Variants in CRISPLD2 observed in about 807,000 individuals in gnomAD.
CRISPLD2 encodes cysteine rich secretory protein LCCL domain containing 2, also known as cysteine-rich secretory protein LCCL domain-containing 2.
In CRISPLD2, 47 loss-of-function variants were observed where a neutral mutation model predicts 71.1. The ratio of observed to expected loss-of-function variants is 0.66; its 90% confidence interval spans 0.52 to 0.84. CRISPLD2 has a LOEUF of 0.84. CRISPLD2 is among the 40% of genes least tolerant of loss of function. CRISPLD2 has a pLI of 0.00. For synonymous variants in CRISPLD2, 317 were observed against 250.1 expected (o/e 1.27, Z -2.52); for missense variants, 830 against 651.1 (o/e 1.27, Z -2.99).
intron 13 of CRISPLD2, among the ~76,000 whole-genome samples, chr16:84,884,402 G>C (rs1313775974): frequency 6.6e-6 from 1 of 152,228 alleles, no homozygotes; most frequent in African/African-American, 2.4e-5. Context: ...GACATGTAAA[G>C]ATATGACCTG....
Position 84,872,486 on chromosome 16 carries a change from T to C in CRISPLD2, c.959T>C (p.Phe320Ser), listed in dbSNP as rs533386261. The change falls in exon 9 of 15, where the codon TTT becomes TCT. Residue 320 changes from phenylalanine to serine, a missense_variant. Phe to Ser is a radical substitution (Grantham distance 155). Coordinates refer to ENST00000262424, the MANE Select transcript of CRISPLD2 (RefSeq NM_031476.4). ...TGCCTGAACCACAAGGCGAAGATCT[T>C]TGGAACTCTGTTCTATGAAAGCGTG... ...AGCLNHKAKI[F>S]GTLFYESSSS... The C allele has an allele frequency of 1.9e-6, 3 of 1,613,990 alleles. No individual in the cohort carries two copies. Among genetic ancestry groups the C allele is most frequent in the African/African-American group, 1.3e-5 (1 of 75,012 alleles).
rs1024105519 is a variant in CRISPLD2 at position 84,868,886 on chromosome 16, A to G, written c.889A>G (p.Arg297Gly). 6 of 1,609,004 alleles carry G rather than the reference A, an allele frequency of 3.7e-6. No homozygotes were observed. In the African/African-American group the frequency reaches 4.0e-5, roughly 11 times the overall value. The change falls in exon 8 of 15, where the codon AGG becomes GGG. Residue 297 changes from arginine to glycine, a missense_variant. Arg to Gly is a moderately radical substitution (Grantham distance 125). Transcript: ENST00000262424. ...VVRCDTKMKD[R>G]CKGSTCNRYQ... ...CAGATGTGACACCAAGATGAAGGAC[A>G]GGTGCAAAGGGTCCACGTGTAACAG...
chr16:84,820,395 A>G (rs28437095), intron 1 of CRISPLD2, among the ~76,000 whole-genome samples: 26,151 of 152,148 alleles, frequency 0.17, 2,652 homozygotes, highest in Non-Finnish European at 0.23. Flanking sequence ...TGAGCGCAGA[A>G]TCCTGCTCCT....
chr16:84,900,652 G>C (rs1193863214), intron 14 of CRISPLD2, among the ~76,000 whole-genome samples: 1 of 152,126 alleles, frequency 6.6e-6, no homozygotes, highest in Non-Finnish European at 1.5e-5. Flanking sequence ...AGATGCAAAT[G>C]CACGTCCTTT....
rs199807805 is a variant in CRISPLD2, at chr16:84,877,528, T to G, written c.1229+18T>G. The G allele has an allele frequency of 1.3e-3, 2,059 of 1,612,620 alleles. 2 individuals are homozygous for G. Among genetic ancestry groups the G allele is most frequent in the Admixed American group, 1.8e-3 (106 of 59,994 alleles). On this transcript the variant is annotated intron_variant, in intron 12 of 14. Coordinates refer to ENST00000262424, the MANE Select transcript of CRISPLD2 (RefSeq NM_031476.4). ...TGCCCAAGGTAAGGCGGGCCTGATC[T>G]GTCATCTTTTCTATGGAAGATGTTA...
At chr16:84,864,978 C>T (rs1198587013) in intron 6 of CRISPLD2, among the ~76,000 whole-genome samples, 3 of 152,164 alleles carry the variant, frequency 2.0e-5, no homozygotes, top group Admixed American at 6.5e-5. Flanking sequence ...GCCAGTGAAG[C>T]AGCTATGGAG....
intron 14 of CRISPLD2, among the ~76,000 whole-genome samples, chr16:84,898,150 G>T (rs1294910402): frequency 1.3e-5 from 2 of 152,152 alleles, no homozygotes; most frequent in African/African-American, 2.4e-5. Flanking sequence ...GCGCAAGCCT[G>T]TGCACTTTCT....
chr16:84,897,444 G>T (rs2071716220), intron 14 of CRISPLD2, among the ~76,000 whole-genome samples: 1 of 152,170 alleles, frequency 6.6e-6, no homozygotes, highest in Admixed American at 6.5e-5. Flanking sequence ...GACAGAGCAA[G>T]ACCGTGTCTC....
intron 13 of CRISPLD2, 70 bp downstream of exon 13, chr16:84,880,654 A>T (rs778404177): frequency 2.6e-6 from 3 of 1,155,082 alleles, no homozygotes; most frequent in East Asian, 2.4e-5. Flanking sequence ...AAGCTCCAAG[A>T]TCTGGATACT....
intron 6 of CRISPLD2, among the ~76,000 whole-genome samples, chr16:84,857,841 A>G (rs1169307541): frequency 6.6e-6 from 1 of 152,040 alleles, no homozygotes; most frequent in Non-Finnish European, 1.5e-5. Flanking sequence ...TATGTAACTA[A>G]CTTGTGCTTT....
intron 12 of CRISPLD2, among the ~76,000 whole-genome samples, chr16:84,879,868 C>G (rs1021598536): frequency 6.6e-6 from 1 of 152,162 alleles, no homozygotes; most frequent in African/African-American, 2.4e-5. Flanking sequence ...GTGGACTGTT[C>G]CAGATAAACA....
At chr16:84,838,357 C>G in intron 1 of CRISPLD2, 65 bp from the exon 2 acceptor site, 2 of 1,037,626 alleles carry the variant, frequency 1.9e-6, no homozygotes, top group Non-Finnish European at 1.4e-6. Context: ...GTTCGCTGCT[C>G]CAGCCAGCGC....
In CRISPLD2 at chr16:84,820,046, TG is replaced by T. The variant is rs1395999239; in HGVS notation, c.-161del. 3.9e-5 allele frequency: 6 copies of T among 152,430 alleles called. No homozygotes were observed. The East Asian group carries it at 1.2e-3, about 29-fold the overall frequency. The allele number at this position is 152,430 out of a possible 1,614,324, so 9.4% of individuals were successfully genotyped here. ...AGCTGTCTGCTCGCTGTGCCCGCTGTGCCTGCTGTGCCCGCGCTGTCGCCGC... is the reference window on the plus strand; with the variant it reads ...AGCTGTCTGCTCGCTGTGCCCGCTGTCCTGCTGTGCCCGCGCTGTCGCCGC... On this transcript the variant is annotated 5_prime_UTR_variant, in exon 1 of 15. Coordinates refer to ENST00000262424, the MANE Select transcript of CRISPLD2 (RefSeq NM_031476.4).
intron 2 of CRISPLD2, 44 bp downstream of exon 2, chr16:84,838,779 G>A (rs1266018758): frequency 6.3e-7 from 1 of 1,577,072 alleles, no homozygotes; most frequent in Admixed American, 1.8e-5. Context: ...CGGGGGTGGG[G>A]CCTGGGCCAC....
In CRISPLD2 at chr16:84,907,412, T is replaced by A. The variant is rs2071813137; in HGVS notation, c.*770T>A. On this transcript the variant is annotated 3_prime_UTR_variant, in exon 15 of 15. Coordinates refer to ENST00000262424, the MANE Select transcript of CRISPLD2 (RefSeq NM_031476.4). ...ACCTGTTTTCTGCCGTGACCTTTGG[T>A]CCCATTGAGGACTAAGGATCGGGAC... The A allele has an allele frequency of 6.6e-6, 1 of 152,412 alleles. No individual in the cohort carries two copies. Among genetic ancestry groups the A allele is most frequent in the South Asian group, 2.1e-4 (1 of 4,834 alleles). 9.4% of individuals were successfully genotyped at this position (152,412 alleles called of 1,614,324 possible). A position where few individuals can be genotyped will look rare whatever the true frequency, so the allele number is the denominator to read the frequency against.
chr16:84,858,216 A>C (rs1006515869), intron 6 of CRISPLD2, among the ~76,000 whole-genome samples: 3 of 152,194 alleles, frequency 2.0e-5, no homozygotes, highest in African/African-American at 7.2e-5. Context: ...CGTATGGCCC[A>C]AGTGGTAGAG....
chr16:84,834,285 C>G (rs1239974887), intron 1 of CRISPLD2, among the ~76,000 whole-genome samples: 2 of 152,250 alleles, frequency 1.3e-5, no homozygotes, highest in East Asian at 3.8e-4. Context: ...TGAGCCCCTT[C>G]TTGATGTTGG....
chr16:84,902,226 A>T (rs537701871), intron 14 of CRISPLD2, among the ~76,000 whole-genome samples: 1 of 152,194 alleles, frequency 6.6e-6, no homozygotes, highest in East Asian at 1.9e-4. Flanking sequence ...GTATCAGGCA[A>T]TATCCCAAGT....
intron 14 of CRISPLD2, among the ~76,000 whole-genome samples, chr16:84,893,431 A>G (rs79495971): frequency 6.6e-6 from 1 of 152,266 alleles, no homozygotes; most frequent in African/African-American, 2.4e-5. Context: ...TCTTCCAGGA[A>G]TTCATTCTTT....
Sources: gnomAD v4.1 joint callset for allele counts (sites outside exome capture counted in the v4.1 genomes callset) on GRCh38, gnomAD v4.1.1 for gene constraint, MANE v1.5 for transcripts, NCBI Gene and HGNC (gene_info 2026-07-23, HGNC 2026-07-21) for gene names.